Variants in RBFOX1 observed in about 807,000 individuals in gnomAD.
RBFOX1 encodes the protein RNA binding protein fox-1 homolog 1.
A neutral mutation model predicts 57.7 loss-of-function variants in RBFOX1; 8 were observed. The observed-to-expected ratio is 0.14, with a 90% confidence interval of 0.08 to 0.25. The LOEUF (loss-of-function observed/expected upper bound fraction) is 0.25. Among genes scored for constraint, RBFOX1 ranks in the 10% least tolerant of loss-of-function variants. The pLI is 1.00. For synonymous variants in RBFOX1, 326 were observed against 222.4 expected, an observed-to-expected ratio of 1.47 and a Z score of -4.15; for missense variants, 611 against 548.5, an observed-to-expected ratio of 1.11 and a Z score of -1.14.
At chr16:7,663,659 T>TG (rs2145601574) in intron 12 of RBFOX1, among the ~76,000 whole-genome samples, 1 of 152,280 alleles carries the variant, frequency 6.6e-6, no homozygotes, top group Admixed American at 6.5e-5. Context: ...CATTCAATGG[T>TG]GGGGCTCATT....
intron 1 of RBFOX1, among the ~76,000 whole-genome samples, chr16:6,212,494 T>C (rs1270742342): frequency 6.6e-6 from 1 of 152,106 alleles, no homozygotes; most frequent in Non-Finnish European, 1.5e-5. Flanking sequence ...TCACTTGAGG[T>C]CAGGAGATCA....
At chr16:6,293,409 G>A (rs996023853) in intron 1 of RBFOX1, among the ~76,000 whole-genome samples, 18 of 151,184 alleles carry the variant, frequency 1.2e-4, no homozygotes, top group African/African-American at 3.9e-4. Flanking sequence ...TATTCCTATC[G>A]CTCTGCCCGG....
intron 2 of RBFOX1, among the ~76,000 whole-genome samples, chr16:5,519,968 CT>C (rs2151742097): frequency 6.6e-6 from 1 of 152,340 alleles, no homozygotes; most frequent in South Asian, 2.1e-4. Context: ...GATATATCTC[CT>C]GCCCTCAGGG....
chr16:7,655,976 C>G (rs2066207083), intron 12 of RBFOX1, among the ~76,000 whole-genome samples: 1 of 152,034 alleles, frequency 6.6e-6, no homozygotes, highest in South Asian at 2.1e-4. Context: ...GGGAGAGACA[C>G]AGGCATTTCC....
intron 3 of RBFOX1, among the ~76,000 whole-genome samples, chr16:7,024,840 G>C (rs1202394601): frequency 6.6e-6 from 1 of 152,138 alleles, no homozygotes; most frequent in African/African-American, 2.4e-5. Context: ...TCTCACACGG[G>C]GCTGGGTGTC....
At chr16:7,082,915 AC>A (rs560972739) in intron 4 of RBFOX1, among the ~76,000 whole-genome samples, 15 of 152,210 alleles carry the variant, frequency 9.9e-5, no homozygotes, top group Non-Finnish European at 2.1e-4. Context: ...AAGCTTGACA[AC>A]AAGAGTTGTA....
intron 4 of RBFOX1, among the ~76,000 whole-genome samples, chr16:5,902,536 C>T (rs966988472): frequency 6.6e-6 from 1 of 152,124 alleles, no homozygotes; most frequent in African/African-American, 2.4e-5. Flanking sequence ...CCGCGCCAGC[C>T]ACCCGAGTAG....
intron 13 of RBFOX1, among the ~76,000 whole-genome samples, chr16:7,673,053 C>T (rs976014887): frequency 3.3e-5 from 5 of 151,862 alleles, no homozygotes; most frequent in Admixed American, 2.6e-4. Flanking sequence ...GAGCCTTTAC[C>T]CCTAGTTAAG....
chr16:5,845,268 A>C (rs188974888), intron 3 of RBFOX1, among the ~76,000 whole-genome samples: 2 of 151,998 alleles, frequency 1.3e-5, no homozygotes, highest in East Asian at 1.9e-4. Flanking sequence ...AAGCATTTCC[A>C]CCACCGTTAT....
At chr16:6,206,948 T>C (rs1254535289) in intron 1 of RBFOX1, among the ~76,000 whole-genome samples, 1 of 152,098 alleles carries the variant, frequency 6.6e-6, no homozygotes, top group East Asian at 1.9e-4. Context: ...ATACACTTAA[T>C]TCTTAAGATA....
At chr16:6,736,624 G>A (rs919073710) in intron 3 of RBFOX1, among the ~76,000 whole-genome samples, 1 of 152,208 alleles carries the variant, frequency 6.6e-6, no homozygotes, top group Non-Finnish European at 1.5e-5. Context: ...AAACATGCAT[G>A]TGCAAGTATC....
chr16:6,640,238 G>A (rs1458632501), intron 2 of RBFOX1, among the ~76,000 whole-genome samples: 1 of 152,122 alleles, frequency 6.6e-6, no homozygotes, highest in African/African-American at 2.4e-5. Flanking sequence ...TTTCAGATAC[G>A]CCTTTTGCCA....
chr16:5,347,541 A>G (rs1020466844), intron 1 of RBFOX1, among the ~76,000 whole-genome samples: 2 of 152,018 alleles, frequency 1.3e-5, no homozygotes, highest in Admixed American at 1.3e-4. Flanking sequence ...GAAAATCACT[A>G]TTCCATCCAC....
chr16:7,031,978 G>C (rs1318707247), intron 3 of RBFOX1, among the ~76,000 whole-genome samples: 1 of 152,186 alleles, frequency 6.6e-6, no homozygotes, highest in African/African-American at 2.4e-5. Flanking sequence ...TGAAGCATTT[G>C]TTACTGAAGT....
intron 14 of RBFOX1, among the ~76,000 whole-genome samples, chr16:7,683,010 G>GTGTATATATATATA: frequency 1.0e-3 from 5 of 4,902 alleles, no homozygotes; most frequent in African/African-American, 2.1e-3. Flanking sequence ...GTGTGTGTGT[G>GTGTATATATATATA]TATATATATA....
rs879415856 is a variant in RBFOX1 at position 6,942,210 on chromosome 16, A to T, written c.-15-109847A>T. Among the ~76,000 whole-genome samples the T allele has an allele frequency of 5.3e-5, 8 of 152,130 alleles. 1 individual carries two copies. Among genetic ancestry groups the T allele is most frequent in the Admixed American group, 4.6e-4 (7 of 15,278 alleles). ...GCCAAGATGGCACCACTGTGCTCCA[A>T]CCTGGGTGACAGTGAACCAGGATCC... On this transcript the variant is annotated intron_variant, in intron 3 of 15. Transcript: ENST00000550418.
At chr16:5,386,403 C>T (rs888818490) in intron 1 of RBFOX1, among the ~76,000 whole-genome samples, 1 of 152,042 alleles carries the variant, frequency 6.6e-6, no homozygotes, top group Non-Finnish European at 1.5e-5. Context: ...TGCACGTGGC[C>T]CATCCTCACT....
At chr16:6,963,362 C>G (rs913929416) in intron 3 of RBFOX1, among the ~76,000 whole-genome samples, 3 of 151,984 alleles carry the variant, frequency 2.0e-5, no homozygotes, top group African/African-American at 7.2e-5. Flanking sequence ...TGAAATCGAA[C>G]CTCTATTTTT....
intron 4 of RBFOX1, among the ~76,000 whole-genome samples, chr16:7,210,263 C>G (rs1191080800): frequency 6.6e-6 from 1 of 152,150 alleles, no homozygotes; most frequent in Non-Finnish European, 1.5e-5. Flanking sequence ...GATTGCGAGG[C>G]TGACTAAGCA....
Sources: gnomAD v4.1 joint callset for allele counts (sites outside exome capture counted in the v4.1 genomes callset) on GRCh38, gnomAD v4.1.1 for gene constraint, MANE v1.5 for transcripts, NCBI Gene and HGNC (gene_info 2026-07-23, HGNC 2026-07-21) for gene names.